TPTE: variants seen among roughly 807,000 people sequenced by gnomAD.
TPTE encodes the protein transmembrane phosphatase with tensin homology, also known as putative tyrosine-protein phosphatase TPTE.
TPTE carries 59 observed loss-of-function variants against 84.1 expected under a neutral mutation model. The observed-to-expected ratio is 0.70, with a 90% CI of 0.57 to 0.87. TPTE has a LOEUF of 0.87. TPTE is among the 40% of genes least tolerant of loss of function. The pLI is 0.00. For synonymous variants in TPTE, 130 were observed against 223.5 expected, an observed-to-expected ratio of 0.58 and a Z score of 3.73; for missense variants, 382 against 659.6, an observed-to-expected ratio of 0.58 and a Z score of 4.61.
At position 10,553,480 on chromosome 21, in the gene TPTE, AACTGTGTG is replaced by A. The variant is rs1342539066; in HGVS notation, c.233+765_233+772del. ...TTACCCTGAATTTGCCACTGAATTA[AACTGTGTG>A]TCTGCAGATTAGCTATACGTTTTCT... is the stretch of plus-strand genomic sequence containing the variant. On this transcript the variant is annotated intron_variant, in intron 8 of 23. Coordinates refer to ENST00000618007, the MANE Select transcript of TPTE (RefSeq NM_199261.4). Among the ~76,000 whole-genome samples the A allele has an allele frequency of 5.9e-5, 9 of 152,426 alleles. No homozygotes were observed. The East Asian group carries it at 1.7e-3, about 29-fold the overall frequency.
At chr21:10,558,179 A>G (rs1466233014) in intron 8 of TPTE, among the ~76,000 whole-genome samples, 2 of 152,310 alleles carry the variant, frequency 1.3e-5, no homozygotes, top group African/African-American at 2.4e-5. Flanking sequence ...GGTTGATTCC[A>G]TGTCTTTGCT....
At chr21:10,546,650 A>G (rs1379355735) in intron 7 of TPTE, among the ~76,000 whole-genome samples, 1 of 152,310 alleles carries the variant, frequency 6.6e-6, no homozygotes, top group Non-Finnish European at 1.5e-5. Context: ...AGAAAGCAAA[A>G]CAGTCTGATT....
intron 14 of TPTE, among the ~76,000 whole-genome samples, chr21:10,573,836 A>G (rs1420634128): frequency 2.4e-3 from 370 of 151,690 alleles, no homozygotes; most frequent in African/African-American, 8.5e-3. Flanking sequence ...GCCTGTTCAC[A>G]TGATGGCAGA....
chr21:10,573,416 C>T (rs563911223), intron 14 of TPTE, among the ~76,000 whole-genome samples: 3 of 152,422 alleles, frequency 2.0e-5, no homozygotes, highest in Admixed American at 6.5e-5. Context: ...TAGCACCCCA[C>T]TCTTAACCAC....
At chr21:10,527,284 A>G (rs1237307106) in intron 2 of TPTE, 71 bp from the exon 3 acceptor site, 1 of 152,770 alleles carries the variant, frequency 6.5e-6, no homozygotes, top group East Asian at 1.9e-4. Flanking sequence ...AATACTGTTG[A>G]GATTAACATC....
intron 14 of TPTE, among the ~76,000 whole-genome samples, chr21:10,576,989 C>T (rs1263549900): frequency 6.6e-6 from 1 of 152,306 alleles, no homozygotes; most frequent in African/African-American, 2.4e-5. Context: ...ATATGTTTAT[C>T]TTTTTCTATC....
At chr21:10,586,158 T>G (rs1377256157) in intron 17 of TPTE, among the ~76,000 whole-genome samples, 1 of 152,308 alleles carries the variant, frequency 6.6e-6, no homozygotes, top group East Asian at 1.9e-4. Flanking sequence ...TGGATAATTC[T>G]TAGAGTGTCA....
intron 3 of TPTE, among the ~76,000 whole-genome samples, chr21:10,536,977 C>G (rs1461846578): frequency 3.1e-4 from 48 of 152,392 alleles, no homozygotes; most frequent in African/African-American, 9.1e-4. Flanking sequence ...TCCTCACACC[C>G]AGAGCTCTAC....
At chr21:10,593,789 C>A (rs112569693) in intron 19 of TPTE, among the ~76,000 whole-genome samples, 4,058 of 140,940 alleles carry the variant, frequency 0.029, no homozygotes, top group South Asian at 0.068. Context: ...GAAGTGAGAG[C>A]GGGTTGGGAA....
intron 17 of TPTE, among the ~76,000 whole-genome samples, chr21:10,580,923 A>C (rs1252617525): frequency 1.3e-5 from 2 of 152,310 alleles, no homozygotes; most frequent in Non-Finnish European, 2.9e-5. Flanking sequence ...TCTCTCATTC[A>C]GGTTTGGGCT....
chr21:10,564,486 G>A (rs1282960155), intron 10 of TPTE, among the ~76,000 whole-genome samples: 6 of 152,308 alleles, frequency 3.9e-5, no homozygotes, highest in Admixed American at 3.9e-4. Context: ...CTCTAGCCTG[G>A]GTGACAGAGT....
chr21:10,594,023 C>A (rs1198804265), intron 19 of TPTE, among the ~76,000 whole-genome samples: 1 of 152,312 alleles, frequency 6.6e-6, no homozygotes, highest in Non-Finnish European at 1.5e-5. Flanking sequence ...GGTGAATTTA[C>A]TGAAGTGCAG....
At chr21:10,531,359 C>T (rs1314608679) in intron 3 of TPTE, among the ~76,000 whole-genome samples, 2 of 152,312 alleles carry the variant, frequency 1.3e-5, no homozygotes, top group African/African-American at 4.8e-5. Context: ...AAGCGGCTTC[C>T]CGCACCTTGA....
At chr21:10,562,032 G>C (rs1452922273) in intron 10 of TPTE, among the ~76,000 whole-genome samples, 2 of 152,300 alleles carry the variant, frequency 1.3e-5, no homozygotes, top group Non-Finnish European at 2.9e-5. Context: ...AGGTGCCTCA[G>C]AACAGAGAGA....
chr21:10,568,175 A>G (rs2074965828), intron 11 of TPTE, among the ~76,000 whole-genome samples: 1 of 152,310 alleles, frequency 6.6e-6, no homozygotes, highest in South Asian at 2.1e-4. Flanking sequence ...GCTATATCAA[A>G]AAAATTTATA....
At chr21:10,558,237 G>A (rs2074721397) in intron 8 of TPTE, among the ~76,000 whole-genome samples, 1 of 152,306 alleles carries the variant, frequency 6.6e-6, no homozygotes, top group African/African-American at 2.4e-5. Flanking sequence ...TATCTTTATA[G>A]TAGAATGATT....
intron 21 of TPTE, among the ~76,000 whole-genome samples, chr21:10,600,064 C>A (rs1414563365): frequency 1.3e-5 from 2 of 152,416 alleles, no homozygotes; most frequent in South Asian, 2.1e-4. Context: ...CTCAGCCTCA[C>A]AAGATGCTGG....
intron 8 of TPTE, among the ~76,000 whole-genome samples, chr21:10,557,006 T>C (rs1451815131): frequency 6.6e-6 from 1 of 152,310 alleles, no homozygotes; most frequent in Admixed American, 6.5e-5. Context: ...CTGTTCACTC[T>C]GATGGTAGTT....
intron 10 of TPTE, among the ~76,000 whole-genome samples, chr21:10,563,395 TACTC>T (rs2074847695): frequency 6.6e-6 from 1 of 152,414 alleles, no homozygotes; most frequent in Admixed American, 6.5e-5. Context: ...AAACTACTCT[TACTC>T]TAAGTAGAGA....
Sources: allele counts gnomAD v4.1 joint callset (sites outside exome capture counted in the v4.1 genomes callset), GRCh38; gene constraint gnomAD v4.1.1; transcripts MANE v1.5; gene names NCBI Gene and HGNC (gene_info 2026-07-23, HGNC 2026-07-21).